Variants in CADM2 observed in about 807,000 individuals in gnomAD.
The protein encoded by CADM2 is cell adhesion molecule 2, also known as immunoglobulin superfamily member 4D.
In CADM2, 12 loss-of-function variants were observed where a neutral mutation model predicts 49.8. The observed-to-expected ratio is 0.24, with a 90% CI of 0.15 to 0.39. The LOEUF (loss-of-function observed/expected upper bound fraction) is 0.39, where lower values mean the gene tolerates loss of function less well. CADM2 is among the 10% of genes least tolerant of loss of function. The pLI is 1.00. For missense variants in CADM2, 378 were observed against 492.3 expected, an observed-to-expected ratio of 0.77 and a Z score of 2.20; for synonymous variants, 214 against 175.4, an observed-to-expected ratio of 1.22 and a Z score of -1.74.
chr3:85,741,050 C>G lies in CADM2; in HGVS notation c.88+14502C>G, dbSNP rs142270480. Among the ~76,000 whole-genome samples the G allele has an allele frequency of 5.8e-3, 881 of 152,210 alleles. 12 individuals are homozygous for G. The highest frequency in any genetic ancestry group is 0.021 in the African/African-American group (853 of 41,550). The stretch of plus-strand genomic sequence containing the variant: ...CAAGTGCCACTGAAGCATCAATTTA[C>G]TGAGATACATAGCAGTTAACATAAT... On this transcript the variant is annotated intron_variant, in intron 2 of 9. Transcript: ENST00000383699.
chr3:85,137,359 G>T (rs77016639), intron 1 of CADM2, among the ~76,000 whole-genome samples: 1 of 151,682 alleles, frequency 6.6e-6, no homozygotes, highest in African/African-American at 2.4e-5. Context: ...TTGCAGGTCC[G>T]TGGTGGTTTA....
At chr3:85,232,766 CA>C (rs1221288465) in intron 1 of CADM2, among the ~76,000 whole-genome samples, 1 of 152,094 alleles carries the variant, frequency 6.6e-6, no homozygotes, top group Non-Finnish European at 1.5e-5. Context: ...AGATGTGGAG[CA>C]ATACTGACTC....
At chr3:85,535,195 T>C (rs139472172) in intron 1 of CADM2, among the ~76,000 whole-genome samples, 5 of 150,744 alleles carry the variant, frequency 3.3e-5, no homozygotes, top group East Asian at 4.0e-4. Flanking sequence ...TTAAATCTTA[T>C]GAAATGTCAC....
chr3:85,585,165 C>T (rs890044388), intron 1 of CADM2, among the ~76,000 whole-genome samples: 3 of 151,954 alleles, frequency 2.0e-5, no homozygotes, highest in African/African-American at 7.2e-5. Context: ...AGCATATCCA[C>T]TCTGTTGAAA....
At chr3:86,002,343 T>C (rs911742878) in intron 8 of CADM2, among the ~76,000 whole-genome samples, 1 of 152,168 alleles carries the variant, frequency 6.6e-6, no homozygotes, top group Non-Finnish European at 1.5e-5. Flanking sequence ...TCTTTTGAGT[T>C]CCCCTTTCAT....
intron 1 of CADM2, among the ~76,000 whole-genome samples, chr3:85,217,723 C>T (rs2041960767): frequency 6.6e-6 from 1 of 151,974 alleles, no homozygotes; most frequent in South Asian, 2.1e-4. Context: ...GTAATACTTC[C>T]AAATTATAGT....
At chr3:85,754,388 A>T (rs1298916936) in intron 2 of CADM2, among the ~76,000 whole-genome samples, 2 of 152,092 alleles carry the variant, frequency 1.3e-5, no homozygotes, top group East Asian at 3.9e-4. Flanking sequence ...TCCTGCTCTG[A>T]TCATGTCTAA....
At chr3:84,975,768 A>T (rs2031779513) in intron 1 of CADM2, among the ~76,000 whole-genome samples, 3 of 151,866 alleles carry the variant, frequency 2.0e-5, no homozygotes, top group Non-Finnish European at 3.0e-5. Context: ...ACAGAATTTC[A>T]AAATGCTTCC....
intron 1 of CADM2, among the ~76,000 whole-genome samples, chr3:85,473,414 T>C (rs1350361634): frequency 6.6e-6 from 1 of 152,074 alleles, no homozygotes; most frequent in African/African-American, 2.4e-5. Flanking sequence ...ATTCTTTATC[T>C]TCATCACTGC....
At chr3:85,953,554 G>A (rs1223622774) in intron 7 of CADM2, among the ~76,000 whole-genome samples, 9 of 150,752 alleles carry the variant, frequency 6.0e-5, no homozygotes, top group Non-Finnish European at 8.9e-5. Flanking sequence ...TTTTCATAAA[G>A]CCTATTAGAA....
At chr3:85,762,150 T>TA (rs1401601429) in intron 2 of CADM2, among the ~76,000 whole-genome samples, 2 of 152,092 alleles carry the variant, frequency 1.3e-5, no homozygotes, top group African/African-American at 4.8e-5. Flanking sequence ...GAAGAAAAGT[T>TA]ACAGTGCAAT....
intron 1 of CADM2, among the ~76,000 whole-genome samples, chr3:85,528,829 T>C (rs2061231948): frequency 6.6e-6 from 1 of 152,124 alleles, no homozygotes; most frequent in African/African-American, 2.4e-5. Flanking sequence ...TTATCCAAAA[T>C]CTTCTCTCAG....
chr3:85,461,681 CT>C (rs2038252974), intron 1 of CADM2, among the ~76,000 whole-genome samples: 1 of 152,138 alleles, frequency 6.6e-6, no homozygotes, highest in South Asian at 2.1e-4. Context: ...TCATTTTTAA[CT>C]CCTAACCTAT....
At chr3:85,291,197 G>A (rs1345521548) in intron 1 of CADM2, among the ~76,000 whole-genome samples, 1 of 152,074 alleles carries the variant, frequency 6.6e-6, no homozygotes, top group Non-Finnish European at 1.5e-5. Flanking sequence ...AGCAATGGAA[G>A]ATGAAATGAA....
intron 1 of CADM2, among the ~76,000 whole-genome samples, chr3:85,237,280 AG>A (rs1278289157): frequency 1.3e-5 from 2 of 152,108 alleles, no homozygotes; most frequent in African/African-American, 4.8e-5. Context: ...AATATCTATT[AG>A]GTTCAAAATT....
chr3:85,090,710 C>A (rs965220832), intron 1 of CADM2, among the ~76,000 whole-genome samples: 1 of 152,068 alleles, frequency 6.6e-6, no homozygotes, highest in Admixed American at 6.6e-5. Flanking sequence ...TGAGCATTAC[C>A]GCCTGAGCAC....
At chr3:85,379,116 A>G (rs1038051505) in intron 1 of CADM2, among the ~76,000 whole-genome samples, 1 of 151,934 alleles carries the variant, frequency 6.6e-6, no homozygotes. Flanking sequence ...GTAACTTCTC[A>G]TAATAATATG....
intron 1 of CADM2, among the ~76,000 whole-genome samples, chr3:85,251,345 G>C (rs2042769827): frequency 6.6e-6 from 1 of 151,816 alleles, no homozygotes; most frequent in Non-Finnish European, 1.5e-5. Flanking sequence ...GTGGTCTCCA[G>C]ATCCAAGTAG....
intron 1 of CADM2, among the ~76,000 whole-genome samples, chr3:84,970,475 C>T (rs1449540843): frequency 1.3e-4 from 1 of 7,572 alleles, no homozygotes; most frequent in Admixed American, 3.1e-3. Flanking sequence ...TCTTAAAAGT[C>T]AAGTTTTTCT....
Sources: allele counts gnomAD v4.1 joint callset (sites outside exome capture counted in the v4.1 genomes callset), GRCh38; gene constraint gnomAD v4.1.1; transcripts MANE v1.5; gene names NCBI Gene and HGNC (gene_info 2026-07-23, HGNC 2026-07-21).